The following RNF220 variants were observed in gnomAD, a reference collection of about 807,000 sequenced individuals.
The protein encoded by RNF220 is E3 ubiquitin-protein ligase RNF220.
Under a neutral mutation model 67.1 loss-of-function variants are expected in RNF220, and 7 were observed. The ratio of observed to expected loss-of-function variants is 0.10; its 90% CI spans 0.06 to 0.20. The LOEUF (loss-of-function observed/expected upper bound fraction) is 0.20, where lower values mean the gene tolerates loss of function less well. RNF220 is among the 10% of genes least tolerant of loss of function. The pLI is 1.00. For missense variants in RNF220, 565 were observed against 740.3 expected (o/e 0.76, Z 2.75); for synonymous variants, 270 against 283.2 (o/e 0.95, Z 0.47).
chr1:44,526,439 C>A (rs1004930586), intron 2 of RNF220, among the ~76,000 whole-genome samples: 5 of 152,164 alleles, frequency 3.3e-5, no homozygotes, highest in African/African-American at 1.2e-4. Flanking sequence ...TTGGCCTCAC[C>A]CTGGAGGCCA....
intron 2 of RNF220, among the ~76,000 whole-genome samples, chr1:44,575,349 A>G (rs1463337486): frequency 2.0e-5 from 3 of 152,148 alleles, no homozygotes; most frequent in African/African-American, 7.2e-5. Context: ...AAATGACAGG[A>G]TTTCATTTTT....
intron 2 of RNF220, among the ~76,000 whole-genome samples, chr1:44,546,984 G>A (rs1421191750): frequency 6.6e-6 from 1 of 152,230 alleles, no homozygotes; most frequent in African/African-American, 2.4e-5. Context: ...CAAAGGAAGA[G>A]AAGGAAGCAG....
At chr1:44,591,766 C>T (rs1051094587) in intron 2 of RNF220, among the ~76,000 whole-genome samples, 1 of 152,210 alleles carries the variant, frequency 6.6e-6, no homozygotes, top group South Asian at 2.1e-4. Context: ...CCTCTCACTC[C>T]TCTGTCCTCC....
At chr1:44,545,526 A>C (rs1662058439) in intron 2 of RNF220, 1 of 154,152 alleles carries the variant, frequency 6.5e-6, no homozygotes, top group Admixed American at 6.5e-5. Context: ...TTGAATCCAG[A>C]CCTTTAGTTC....
chr1:44,577,362 C>T (rs192106452), intron 2 of RNF220, among the ~76,000 whole-genome samples: 11 of 148,128 alleles, frequency 7.4e-5, no homozygotes, highest in Admixed American at 4.6e-4. Context: ...CCTCTCCTCC[C>T]AGCTTCTCCC....
At chr1:44,520,085 T>TTGTGTGTGTGTGTG (rs1167831790) in intron 2 of RNF220, among the ~76,000 whole-genome samples, 19 of 106,458 alleles carry the variant, frequency 1.8e-4, no homozygotes, top group African/African-American at 4.2e-4. Context: ...AAGTCCAGCA[T>TTGTGTGTGTGTGTG]TGTGTGTGTG....
At chr1:44,559,427 C>T (rs72897539) in intron 2 of RNF220, among the ~76,000 whole-genome samples, 7 of 152,244 alleles carry the variant, frequency 4.6e-5, no homozygotes, top group Admixed American at 2.0e-4. Context: ...AGAGCAAACC[C>T]GCAATGAAGT....
intron 2 of RNF220, among the ~76,000 whole-genome samples, chr1:44,535,408 C>T (rs1455058989): frequency 1.3e-5 from 2 of 151,738 alleles, no homozygotes; most frequent in Admixed American, 6.6e-5. Flanking sequence ...CAAAGTGCTG[C>T]GATTACAGGC....
chr1:44,443,036 T>C (rs1651723982), intron 2 of RNF220, among the ~76,000 whole-genome samples: 1 of 152,188 alleles, frequency 6.6e-6, no homozygotes, highest in Non-Finnish European at 1.5e-5. Flanking sequence ...CCAAACCACA[T>C]TGAACCATTT....
intron 2 of RNF220, among the ~76,000 whole-genome samples, chr1:44,543,958 A>T (rs1661901826): frequency 1.3e-5 from 2 of 152,174 alleles, no homozygotes; most frequent in Admixed American, 1.3e-4. Flanking sequence ...GCCCGGGGTG[A>T]GAACTCTTGC....
chr1:44,442,514 C>CTTTTTTT (rs10636964), intron 2 of RNF220, among the ~76,000 whole-genome samples: 1 of 127,756 alleles, frequency 7.8e-6, no homozygotes, highest in East Asian at 2.3e-4. Flanking sequence ...CACTCACACT[C>CTTTTTTT]TTTTTTTTTT....
chr1:44,407,477 C>T (rs1450682715), intron 1 of RNF220, among the ~76,000 whole-genome samples: 5 of 151,976 alleles, frequency 3.3e-5, no homozygotes, highest in African/African-American at 1.2e-4. Context: ...TCTTCCGTGC[C>T]GATCCCTCCT....
chr1:44,430,153 C>T (rs960629620), intron 2 of RNF220, among the ~76,000 whole-genome samples: 1 of 151,294 alleles, frequency 6.6e-6, no homozygotes, highest in African/African-American at 2.4e-5. Flanking sequence ...CAGAGAGATA[C>T]ATATGAAACT....
At chr1:44,439,432 A>G (rs1387784640) in intron 2 of RNF220, among the ~76,000 whole-genome samples, 1 of 151,210 alleles carries the variant, frequency 6.6e-6, no homozygotes, top group Non-Finnish European at 1.5e-5. Flanking sequence ...AAGGATATTA[A>G]TCTTTTTTAA....
At chr1:44,514,676 T>C (rs1659313630) in intron 2 of RNF220, among the ~76,000 whole-genome samples, 1 of 152,218 alleles carries the variant, frequency 6.6e-6, no homozygotes, top group Non-Finnish European at 1.5e-5. Flanking sequence ...ATTGGGCTAC[T>C]TTTTAGATTT....
In RNF220 at chr1:44,651,431, G is replaced by T. The variant is rs1401877975; in HGVS notation, c.*656G>T. 1 of 154,258 alleles carries T rather than the reference G, an allele frequency of 6.5e-6. No individual in the cohort carries two copies. Among genetic ancestry groups the T allele is most frequent in the Non-Finnish European group, 1.4e-5 (1 of 69,030 alleles). The allele number at this position is 154,258 out of a possible 1,614,324, so 9.6% of individuals were successfully genotyped here. ...CCCAAGGGACATGATCCTCTCCTTA[G>T]TCTTAGCTCATGGGGCTCTTTATAA... On this transcript the variant is annotated 3_prime_UTR_variant, in exon 15 of 15. Transcript: ENST00000361799.
At position 44,412,475 on chromosome 1, in the gene RNF220, C is replaced by T. The variant is rs554978230; in HGVS notation, c.378C>T (p.Thr126=). ...GVGAFRPFAS[T]EDRESYQSAF... is the part of the protein sequence containing the mutation. ...GGGCTTTCCGGCCCTTTGCCTCCAC[C>T]GAGGACCGGGAGAGCTATCAGTCAG... Residue 126 remains threonine (T), a synonymous_variant, in exon 2 of 15, where the codon ACC becomes ACT. Coordinates refer to ENST00000361799, the MANE Select transcript of RNF220 (RefSeq NM_018150.4). This position sits in a 1 kb window ranked among gnomAD's most constrained non-coding sequence, Gnocchi z 5.3. 1.2e-4 allele frequency: 197 copies of T among 1,611,308 alleles called. 2 individuals are homozygous for T. In the South Asian group the frequency reaches 1.6e-3, roughly 13 times the overall value.
intron 2 of RNF220, among the ~76,000 whole-genome samples, chr1:44,469,945 A>C (rs1246050869): frequency 6.6e-6 from 1 of 152,218 alleles, no homozygotes; most frequent in African/African-American, 2.4e-5. Context: ...TACTCTTAAG[A>C]ACAATGGGAA....
intron 8 of RNF220, among the ~76,000 whole-genome samples, chr1:44,638,685 T>C (rs1644401654): frequency 6.6e-6 from 1 of 152,108 alleles, no homozygotes; most frequent in Non-Finnish European, 1.5e-5. Flanking sequence ...TGGAGACACT[T>C]GGCTGAGGGC....
Sources: allele counts gnomAD v4.1 joint callset (sites outside exome capture counted in the v4.1 genomes callset), GRCh38; gene constraint gnomAD v4.1.1; non-coding constraint Gnocchi (gnomAD v3.1); transcripts MANE v1.5; gene names NCBI Gene and HGNC (gene_info 2026-07-23, HGNC 2026-07-21).